CEP164: variants seen among roughly 807,000 people sequenced by gnomAD.
CEP164 encodes the protein centrosomal protein of 164 kDa.
Under a neutral mutation model 182.7 loss-of-function variants are expected in CEP164, and 162 were observed. The observed-to-expected ratio is 0.89, with a 90% confidence interval of 0.78 to 1.01. The LOEUF is 1.01. Among genes scored for constraint, CEP164 ranks in the 50% least tolerant of loss-of-function variants. The pLI, the probability that CEP164 is intolerant of heterozygous loss-of-function variation, is 0.00. For missense variants in CEP164, 1,735 were observed against 1,790.4 expected, an observed-to-expected ratio of 0.97 and a Z score of 0.56; for synonymous variants, 661 against 690.0, an observed-to-expected ratio of 0.96 and a Z score of 0.66.
chr11:117,338,517 A>T, intron 2 of CEP164, 49 bp from the exon 3 acceptor site: 2 of 1,376,258 alleles, frequency 1.5e-6, no homozygotes, highest in Non-Finnish European at 2.1e-6. Context: ...TTCCCCTGTT[A>T]AGCTTGGTCA....
chr11:117,326,514 T>C (rs1000370201), upstream of CEP164, among the ~76,000 whole-genome samples: 1 of 152,206 alleles, frequency 6.6e-6, no homozygotes, highest in Non-Finnish European at 1.5e-5. Context: ...ATTACAGGTG[T>C]GAGCCACTGT....
At chr11:117,388,968 C>T (rs2044274443) in intron 15 of CEP164, among the ~76,000 whole-genome samples, 1 of 151,572 alleles carries the variant, frequency 6.6e-6, no homozygotes, top group Non-Finnish European at 1.5e-5. Context: ...GACGGGGTTT[C>T]ACTGGGTTAG....
At chr11:117,323,838 T>C (rs1473339439), upstream of CEP164, 1 of 405,142 alleles carries the variant, frequency 2.5e-6, no homozygotes, top group African/African-American at 2.1e-5. Context: ...ATTTCCCTCA[T>C]GGTTAGTAAC....
chr11:117,328,397 A>G (rs534582672), intron 1 of CEP164, among the ~76,000 whole-genome samples: 1 of 152,314 alleles, frequency 6.6e-6, no homozygotes, highest in African/African-American at 2.4e-5. Context: ...GCCAGCTGGG[A>G]AAGTTGGAAA....
chr11:117,322,876 C>A (rs2035304243), upstream of CEP164, among the ~76,000 whole-genome samples: 1 of 149,288 alleles, frequency 6.7e-6, no homozygotes, highest in Non-Finnish European at 1.5e-5. Context: ...AGCAATTCTC[C>A]TGCTTCAGCC....
intron 8 of CEP164, among the ~76,000 whole-genome samples, chr11:117,366,633 C>A (rs1439515573): frequency 6.6e-6 from 1 of 152,108 alleles, no homozygotes; most frequent in Non-Finnish European, 1.5e-5. Flanking sequence ...GATGTCAGTG[C>A]GATTGGAAAG....
chr11:117,396,016 G>C, intron 24 of CEP164, 38 bp from the exon 25 acceptor site: 1 of 1,613,172 alleles, frequency 6.2e-7, no homozygotes, highest in South Asian at 1.1e-5. Flanking sequence ...CCCATCGCCA[G>C]CCGCTGCCCT....
chr11:117,395,702 G>GC lies in CEP164; in HGVS notation c.3070dup (p.Gln1024ProfsTer12), dbSNP rs2045343039. ...TGGATCTGCTGCAGGCTCAGAGCCA[G>GC]CAACTGCAGAAACACTTCAGGTGGC... On this transcript the variant is annotated frameshift_variant, in exon 24 of 33. Coordinates refer to ENST00000278935, the MANE Select transcript of CEP164 (RefSeq NM_014956.5). LOFTEE classifies it high-confidence loss of function. 1 of 1,611,904 alleles carries GC rather than the reference G, an allele frequency of 6.2e-7. No individual in the cohort carries two copies. Among genetic ancestry groups the GC allele is most frequent in the South Asian group, 1.1e-5 (1 of 90,852 alleles).
chr11:117,380,126 C>T (rs994875420), intron 11 of CEP164, among the ~76,000 whole-genome samples: 5 of 152,020 alleles, frequency 3.3e-5, no homozygotes, highest in African/African-American at 4.8e-5. Context: ...AGGACTCCAT[C>T]TCTCCAGGAC....
intron 5 of CEP164, among the ~76,000 whole-genome samples, chr11:117,358,288 C>T (rs2040533855): frequency 6.6e-6 from 1 of 152,154 alleles, no homozygotes; most frequent in Non-Finnish European, 1.5e-5. Context: ...TATAATTTCT[C>T]CACTAATCGC....
intron 1 of CEP164, among the ~76,000 whole-genome samples, chr11:117,329,779 A>G (rs2035904589): frequency 6.8e-6 from 1 of 147,338 alleles, no homozygotes; most frequent in African/African-American, 2.5e-5. Flanking sequence ...TGACCTCATT[A>G]TCCGCCCACC....
chr11:117,355,166 C>T (rs900002397), intron 5 of CEP164: 2 of 1,289,748 alleles, frequency 1.6e-6, no homozygotes, highest in African/African-American at 3.0e-5. Flanking sequence ...TTCCCAAATC[C>T]ACCAGGTCTT....
intron 27 of CEP164, among the ~76,000 whole-genome samples, chr11:117,399,115 C>G (rs552575373): frequency 1.3e-5 from 2 of 152,112 alleles, no homozygotes; most frequent in Non-Finnish European, 2.9e-5. Context: ...AGGTATTTCT[C>G]CTAATGCTAT....
In CEP164 at chr11:117,409,513, A is replaced by G. The variant is rs1311108460; in HGVS notation, c.3749-105A>G. On this transcript the variant is annotated intron_variant, in intron 29 of 32. Coordinates refer to ENST00000278935, the MANE Select transcript of CEP164 (RefSeq NM_014956.5). This position sits in a 1 kb window ranked among gnomAD's most constrained non-coding sequence, Gnocchi z 4.4. ...AGGTTGAGGGGCTGTTGTCTGGAGAAGCAGGGAGGGGTGGCCAGTAGGGTC... is the reference window on the plus strand; with the variant it reads ...AGGTTGAGGGGCTGTTGTCTGGAGAGGCAGGGAGGGGTGGCCAGTAGGGTC... 2.0e-6 allele frequency: 2 copies of G among 984,276 alleles called. No individual in the cohort carries two copies. The highest frequency in any genetic ancestry group is 1.6e-5 in the African/African-American group (1 of 61,820). The allele number at this position is 984,276 out of a possible 1,614,324, so 61.0% of individuals were successfully genotyped here. A position where few individuals can be genotyped will look rare whatever the true frequency, so the allele number is the denominator to read the frequency against.
chr11:117,383,864 C>T (rs578138741), intron 14 of CEP164, among the ~76,000 whole-genome samples: 3 of 152,266 alleles, frequency 2.0e-5, no homozygotes, highest in South Asian at 2.1e-4. Flanking sequence ...GGCGAAACCC[C>T]GTCTCTACTA....
chr11:117,400,221 A>G (rs2045975228), intron 27 of CEP164, among the ~76,000 whole-genome samples: 1 of 152,240 alleles, frequency 6.6e-6, no homozygotes, highest in African/African-American at 2.4e-5. Flanking sequence ...CAGTTTTCAC[A>G]ACATCATTTA....
chr11:117,360,554 G>A (rs544580640), intron 5 of CEP164, among the ~76,000 whole-genome samples: 19 of 152,104 alleles, frequency 1.2e-4, no homozygotes, highest in African/African-American at 4.3e-4. Flanking sequence ...AAATATTTCT[G>A]TAGAAATGGG....
intron 15 of CEP164, among the ~76,000 whole-genome samples, chr11:117,389,938 CTTTTTTTTTT>C (rs34794541): frequency 3.2e-5 from 3 of 94,612 alleles, no homozygotes; most frequent in South Asian, 3.6e-4. Context: ...CAGTAGTTTG[CTTTTTTTTTT>C]TTTTTTTTTT....
intron 11 of CEP164, 67 bp from the exon 12 acceptor site, chr11:117,380,547 G>A: frequency 7.7e-7 from 1 of 1,298,262 alleles, no homozygotes; most frequent in Non-Finnish European, 1.1e-6. Flanking sequence ...TTGAGAGCCA[G>A]CAGGAGGATG....
Sources: gnomAD v4.1 joint callset for allele counts (sites outside exome capture counted in the v4.1 genomes callset) on GRCh38, gnomAD v4.1.1 for gene constraint, Gnocchi (gnomAD v3.1) non-coding constraint, MANE v1.5 for transcripts, NCBI Gene and HGNC (gene_info 2026-07-23, HGNC 2026-07-21) for gene names.